The following IFNAR2 variants were observed in gnomAD, a reference collection of about 807,000 sequenced individuals.
IFNAR2 encodes interferon alpha/beta receptor 2.
Under a neutral mutation model 49.4 loss-of-function variants are expected in IFNAR2, and 30 were observed. The ratio of observed to expected loss-of-function variants is 0.61; its 90% CI spans 0.45 to 0.82. The LOEUF is 0.82. Ranked by LOEUF, IFNAR2 falls within the 40% of genes least tolerant of loss-of-function variation. IFNAR2 has a pLI of 0.00. For missense variants in IFNAR2, 600 were observed against 622.7 expected (o/e 0.96, Z 0.39); for synonymous variants, 224 against 234.5 (o/e 0.96, Z 0.41).
At chr21:33,232,953 C>G (rs549468296) in intron 1 of IFNAR2, 4 of 983,590 alleles carry the variant, frequency 4.1e-6, no homozygotes, top group African/African-American at 1.7e-5. Context: ...AAGGAAAGAA[C>G]AACGTGGATT....
Position 33,260,591 on chromosome 21 carries a change from C to T in IFNAR2, c.710-6C>T, listed in dbSNP as rs1264576628. On this transcript the variant is annotated splice_region_variant and splice_polypyrimidine_tract_variant and intron_variant, in intron 7 of 8. Transcript: ENST00000342136. ...GAAATAAAGTCATTTAATTTTTCAT[C>T]AACAGAATCAGCAGAATCTGCCAAA... 6.3e-7 allele frequency: 1 copy of T among 1,575,014 alleles called. No individual in the cohort carries two copies. The highest frequency in any genetic ancestry group is 1.4e-5 in the African/African-American group (1 of 72,692).
intron 8 of IFNAR2, 137 bp downstream of exon 8, chr21:33,260,864 G>GA: frequency 1.8e-6 from 1 of 551,374 alleles, no homozygotes; most frequent in East Asian, 3.3e-5. Flanking sequence ...CTCACTCTGA[G>GA]TTCTTTTCCA....
At chr21:33,248,904 A>G (rs772629226) in intron 6 of IFNAR2, 50 bp downstream of exon 6, 17 of 1,303,398 alleles carry the variant, frequency 1.3e-5, no homozygotes, top group Non-Finnish European at 1.6e-5. Flanking sequence ...TGGGCAATCA[A>G]TGCACTTGAC....
chr21:33,241,027 A>G (rs1986882936), intron 1 of IFNAR2, among the ~76,000 whole-genome samples: 1 of 152,182 alleles, frequency 6.6e-6, no homozygotes, highest in Admixed American at 6.5e-5. Context: ...AATGATAGTC[A>G]TTACTGACTG....
intron 1 of IFNAR2, among the ~76,000 whole-genome samples, chr21:33,232,715 A>G (rs565220031): frequency 6.6e-6 from 1 of 152,110 alleles, no homozygotes; most frequent in East Asian, 1.9e-4. Context: ...TTTCTCACAA[A>G]GGAACAGTGG....
intron 6 of IFNAR2, among the ~76,000 whole-genome samples, chr21:33,250,360 A>G (rs759056998): frequency 2.0e-5 from 3 of 152,174 alleles, no homozygotes; most frequent in Non-Finnish European, 4.4e-5. Flanking sequence ...TGACTACTCT[A>G]TAAGAGGAAA....
At chr21:33,252,994 T>C in intron 7 of IFNAR2, 164 bp downstream of exon 7, 1 of 665,522 alleles carries the variant, frequency 1.5e-6, no homozygotes, top group South Asian at 1.7e-5. Flanking sequence ...GTGTATGATC[T>C]GGTAGAGTCA....
At chr21:33,247,617 C>T (rs17860205) in intron 5 of IFNAR2, among the ~76,000 whole-genome samples, 5,435 of 152,206 alleles carry the variant, frequency 0.036, 114 homozygotes, top group South Asian at 0.056. Context: ...TGTGTGAACA[C>T]CAAGTGTGCA....
Position 33,237,078 on chromosome 21 carries a change from G to GATGTGTGTGTGTGTGTGTGTGT in IFNAR2, c.-83-4762_-83-4761insATGTGTGTGTGTGTGTGTGTGT, listed in dbSNP as rs3223272. Among the ~76,000 whole-genome samples the GATGTGTGTGTGTGTGTGTGTGT allele has an allele frequency of 2.4e-3, 360 of 147,688 alleles. 3 individuals carry two copies. The highest frequency in any genetic ancestry group is 8.4e-3 in the African/African-American group (334 of 39,996). On this transcript the variant is annotated intron_variant, in intron 1 of 8. Coordinates refer to ENST00000342136, the MANE Select transcript of IFNAR2 (RefSeq NM_001289125.3). Reference sequence around the variant, plus strand: ...CCCCTGGCCCAGAGGGGGAGAATGGGGTGTGTGTGTGTGTGTGTGTGTGTG... The same window carrying GATGTGTGTGTGTGTGTGTGTGT: ...CCCCTGGCCCAGAGGGGGAGAATGGGATGTGTGTGTGTGTGTGTGTGTGTGTGTGTGTGTGTGTGTGTGTGTG...
In IFNAR2 at chr21:33,246,868, C is replaced by A. The variant is rs757175174; in HGVS notation, c.372C>A (p.His124Gln). 1 of 1,614,074 alleles carries A rather than the reference C, an allele frequency of 6.2e-7. No homozygotes were observed. Among genetic ancestry groups the A allele is most frequent in the East Asian group, 2.2e-5 (1 of 44,890 alleles). ...SGNTTLFSCS[H>Q]NFWLAIDMSF... is the part of the protein sequence containing the mutation. ...ACACAACGTTGTTCAGTTGCTCACA[C>A]AATTTCTGGCTGGCCATAGACAGTG... Residue 124 changes from histidine (H) to glutamine (Q), a missense_variant, in exon 5 of 9, where the codon CAC becomes CAA. Transcript: ENST00000342136.
chr21:33,230,366 T>C lies in IFNAR2; in HGVS notation c.-84+150T>C, dbSNP rs1369955589. On this transcript the variant is annotated intron_variant, in intron 1 of 8. Transcript: ENST00000342136. The surrounding 1 kb of genome is among the most constrained non-coding windows in gnomAD (Gnocchi z 5.5). ...CTCCTCCTCCTGCCCTCCCTCTGCG[T>C]CTTGAGTATGCGGCTAGTGCGCCCT... The C allele has an allele frequency of 3.1e-6, 2 of 645,450 alleles. No homozygotes were observed. Among genetic ancestry groups the C allele is most frequent in the African/African-American group, 2.0e-5 (1 of 50,868 alleles). The allele number at this position is 645,450 out of a possible 1,614,324, so 40.0% of individuals were successfully genotyped here.
Position 33,242,758 on chromosome 21 carries a change from CGTGTGTGTGT to C in IFNAR2, c.55+818_55+827del, listed in dbSNP as rs375640331. ...AAAAAAAAAAAAAAAATCTCGTGTGCGTGTGTGTGTGTGTGTGTGTGTGTGTGTGTGTGTG... is the reference window on the plus strand; with the variant it reads ...AAAAAAAAAAAAAAAATCTCGTGTGCGTGTGTGTGTGTGTGTGTGTGTGTG... On this transcript the variant is annotated intron_variant, in intron 2 of 8. Coordinates refer to ENST00000342136, the MANE Select transcript of IFNAR2 (RefSeq NM_001289125.3). Among the ~76,000 whole-genome samples the C allele has an allele frequency of 7.7e-3, 593 of 76,558 alleles. 15 individuals are homozygous for C. Among genetic ancestry groups the C allele is most frequent in the Non-Finnish European group, 0.011 (434 of 39,780 alleles). The allele number at this position is 76,558 out of a possible 152,430, so 50.2% of individuals were successfully genotyped here.
At chr21:33,239,625 A>T (rs1394619875) in intron 1 of IFNAR2, among the ~76,000 whole-genome samples, 1 of 146,034 alleles carries the variant, frequency 6.8e-6, no homozygotes, top group Non-Finnish European at 1.5e-5. Flanking sequence ...CAGAGTGGTG[A>T]CAGCCCTCAA....
chr21:33,235,712 G>A (rs753860654), intron 1 of IFNAR2, among the ~76,000 whole-genome samples: 3 of 152,192 alleles, frequency 2.0e-5, no homozygotes, highest in Non-Finnish European at 2.9e-5. Flanking sequence ...GGATCATGAG[G>A]TCAGGAGATC....
At chr21:33,241,253 T>C (rs1986899039) in intron 1 of IFNAR2, among the ~76,000 whole-genome samples, 1 of 152,226 alleles carries the variant, frequency 6.6e-6, no homozygotes, top group Non-Finnish European at 1.5e-5. Flanking sequence ...CCCTAACTGA[T>C]ATGTCCTTTG....
rs1044055569 is a variant in IFNAR2 at position 33,246,164 on chromosome 21, G to A, written c.222-554G>A. ...TGGCTCACTGCAAGCTCCACCTCCC[G>A]GGTTCACGCCATTCTCCTGCCTCAG... On this transcript the variant is annotated intron_variant, in intron 4 of 8. Transcript: ENST00000342136. Among the ~76,000 whole-genome samples, 18 of 151,444 alleles carry A rather than the reference G, an allele frequency of 1.2e-4. No homozygotes were observed. In the East Asian group the frequency reaches 3.5e-3, roughly 29 times the overall value.
intron 1 of IFNAR2, among the ~76,000 whole-genome samples, chr21:33,232,253 A>G (rs1240110518): frequency 6.6e-6 from 1 of 152,200 alleles, no homozygotes; most frequent in African/African-American, 2.4e-5. Flanking sequence ...ACTGGCCCTG[A>G]GGGTCCTTCT....
At chr21:33,235,264 C>T (rs1213047326) in intron 1 of IFNAR2, among the ~76,000 whole-genome samples, 1 of 152,174 alleles carries the variant, frequency 6.6e-6, no homozygotes, top group Admixed American at 6.5e-5. Context: ...TGCCTAACCC[C>T]CTGGGAATGC....
At chr21:33,244,491 T>A (rs1163591276) in intron 3 of IFNAR2, among the ~76,000 whole-genome samples, 2 of 152,178 alleles carry the variant, frequency 1.3e-5, no homozygotes, top group Non-Finnish European at 2.9e-5. Context: ...AGCTGGGGAA[T>A]CCAGAGGAAG....
Sources: gnomAD v4.1 joint callset for allele counts (sites outside exome capture counted in the v4.1 genomes callset) on GRCh38, gnomAD v4.1.1 for gene constraint, Gnocchi (gnomAD v3.1) non-coding constraint, MANE v1.5 for transcripts, NCBI Gene and HGNC (gene_info 2026-07-23, HGNC 2026-07-21) for gene names.